Variants in CDH13 observed in about 807,000 individuals in gnomAD.
The protein encoded by CDH13 is cadherin-13.
Under a neutral mutation model 63.8 loss-of-function variants are expected in CDH13, and 24 were observed. The observed-to-expected ratio is 0.38, with a 90% confidence interval of 0.27 to 0.53. The LOEUF is 0.53. Among genes scored for constraint, CDH13 ranks in the 20% least tolerant of loss-of-function variants. CDH13 has a pLI of 0.85. For synonymous variants in CDH13, 503 were observed against 355.3 expected (o/e 1.42, Z -4.67); for missense variants, 1,049 against 903.1 (o/e 1.16, Z -2.07).
At chr16:83,447,766 TATTG>T (rs1567679130) in intron 6 of CDH13, among the ~76,000 whole-genome samples, 2 of 149,156 alleles carry the variant, frequency 1.3e-5, no homozygotes, top group South Asian at 2.1e-4. Flanking sequence ...ATATATTAAA[TATTG>T]ATTTATTTTT....
At chr16:83,005,679 A>G (rs1159992530) in intron 2 of CDH13, among the ~76,000 whole-genome samples, 1 of 152,226 alleles carries the variant, frequency 6.6e-6, no homozygotes, top group Non-Finnish European at 1.5e-5. Context: ...CAGCTCATGC[A>G]TGCCTTCTCA....
chr16:82,627,164 C>G, intron 1 of CDH13, 27 bp downstream of exon 1: 2 of 1,580,634 alleles, frequency 1.3e-6, no homozygotes, highest in African/African-American at 2.7e-5. Context: ...GCCGGGCGCG[C>G]TCTGCGCCCC....
intron 8 of CDH13, among the ~76,000 whole-genome samples, chr16:83,606,095 T>C (rs1908304627): frequency 6.6e-6 from 1 of 152,160 alleles, no homozygotes; most frequent in South Asian, 2.1e-4. Flanking sequence ...GGGCTTATGA[T>C]CTTGAAGTTG....
rs1426492280 is a variant in CDH13 at position 83,241,662 on chromosome 16, C to T, written c.636+24165C>T. On this transcript the variant is annotated intron_variant, in intron 5 of 13. Transcript: ENST00000567109. ...GAATTATCTATTCAGGCCCCTTGCC[C>T]ATTTTTTAATCAGTTTATTTGGATT... Among the ~76,000 whole-genome samples the T allele has an allele frequency of 3.9e-5, 6 of 152,274 alleles. No homozygotes were observed. The East Asian group carries it at 1.2e-3, about 29-fold the overall frequency.
intron 1 of CDH13, among the ~76,000 whole-genome samples, chr16:82,707,429 A>G (rs970176023): frequency 6.6e-6 from 1 of 152,256 alleles, no homozygotes; most frequent in East Asian, 1.9e-4. Context: ...CAGCACATAC[A>G]GAAGGAGTAA....
intron 1 of CDH13, among the ~76,000 whole-genome samples, chr16:82,698,543 C>T (rs996259703): frequency 1.5e-4 from 23 of 152,170 alleles, no homozygotes; most frequent in Admixed American, 1.3e-3. Flanking sequence ...GGCTTTGCTC[C>T]GTGACTTTCC....
At chr16:83,158,386 T>G (rs2037306015) in intron 4 of CDH13, among the ~76,000 whole-genome samples, 1 of 152,184 alleles carries the variant, frequency 6.6e-6, no homozygotes, top group Non-Finnish European at 1.5e-5. Flanking sequence ...TTTTCACACT[T>G]GACCACGTCT....
At chr16:83,685,673 A>G (rs1904301227) in intron 10 of CDH13, among the ~76,000 whole-genome samples, 1 of 152,238 alleles carries the variant, frequency 6.6e-6, no homozygotes, top group African/African-American at 2.4e-5. Context: ...GAAGGGAAGA[A>G]GGAATGAAAT....
chr16:83,028,519 C>G (rs1916023580), intron 2 of CDH13, among the ~76,000 whole-genome samples: 1 of 152,186 alleles, frequency 6.6e-6, no homozygotes, highest in Non-Finnish European at 1.5e-5. Flanking sequence ...TCACAGCTCT[C>G]TACAGTAGTC....
At chr16:83,491,204 G>C (rs1192319507) in intron 7 of CDH13, among the ~76,000 whole-genome samples, 1 of 152,188 alleles carries the variant, frequency 6.6e-6, no homozygotes, top group Non-Finnish European at 1.5e-5. Context: ...AAGAAATAGT[G>C]TCTTGGTCCA....
At chr16:83,170,942 C>T (rs1420316604) in intron 4 of CDH13, among the ~76,000 whole-genome samples, 1 of 152,108 alleles carries the variant, frequency 6.6e-6, no homozygotes, top group East Asian at 1.9e-4. Flanking sequence ...TCCATCGTCG[C>T]TATCCTCTTC....
intron 1 of CDH13, among the ~76,000 whole-genome samples, chr16:82,776,270 GGGAAGAAAAAGAA>G (rs2035492459): frequency 6.6e-6 from 1 of 150,868 alleles, no homozygotes; most frequent in African/African-American, 2.4e-5. Context: ...AGGGAGGAGA[GGGAAGAAAAAGAA>G]GGAAGGAAGG....
rs74029072 is a variant in CDH13 at position 82,830,979 on chromosome 16, C to T, written c.46-27383C>T. 2.2e-3 allele frequency among the ~76,000 whole-genome samples: 340 copies of T among 152,280 alleles called. 1 individual carries two copies. Among genetic ancestry groups the T allele is most frequent in the African/African-American group, 7.9e-3 (330 of 41,570 alleles). ...ATACAGAGGGTGCTTAGCAAATCTT[C>T]CGCAGAGCTGAAACTGAGCTGAAGC... On this transcript the variant is annotated intron_variant, in intron 1 of 13. Transcript: ENST00000567109.
intron 9 of CDH13, among the ~76,000 whole-genome samples, chr16:83,677,743 A>G (rs966937683): frequency 2.0e-5 from 3 of 152,102 alleles, no homozygotes; most frequent in African/African-American, 7.2e-5. Flanking sequence ...AAAGCTACTG[A>G]GGATTGGGCG....
chr16:83,287,116 G>C (rs1035614779), intron 5 of CDH13, among the ~76,000 whole-genome samples: 11 of 152,142 alleles, frequency 7.2e-5, no homozygotes, highest in Non-Finnish European at 1.5e-5. Context: ...TACTTTATAG[G>C]CCATGTTCAT....
chr16:83,215,409 T>C (rs1386991648), intron 4 of CDH13, among the ~76,000 whole-genome samples: 3 of 152,070 alleles, frequency 2.0e-5, no homozygotes, highest in Admixed American at 1.3e-4. Context: ...TTCTTTTGTA[T>C]CCAATTTTCA....
rs568718235 is a variant in CDH13 at position 82,636,954 on chromosome 16, C to G, written c.45+9817C>G. Among the ~76,000 whole-genome samples the G allele has an allele frequency of 2.0e-5, 3 of 152,338 alleles. No homozygotes were observed. The South Asian group carries it at 6.2e-4, about 32-fold the overall frequency. ...ATCCTGTTTCTAGCTCACCCCCTCA[C>G]TCGTGGTATGACCTTCAGCAAGCAG... is the stretch of plus-strand genomic sequence containing the variant. On this transcript the variant is annotated intron_variant, in intron 1 of 13. Transcript: ENST00000567109.
At chr16:82,695,851 C>T (rs780842756) in intron 1 of CDH13, among the ~76,000 whole-genome samples, 1 of 152,164 alleles carries the variant, frequency 6.6e-6, no homozygotes, top group African/African-American at 2.4e-5. Flanking sequence ...AGATTATGTA[C>T]AAGATATTGA....
chr16:83,231,007 C>A (rs1187757304), intron 5 of CDH13, among the ~76,000 whole-genome samples: 1 of 152,220 alleles, frequency 6.6e-6, no homozygotes, highest in Non-Finnish European at 1.5e-5. Context: ...GTCCACATGC[C>A]TTCATCTTCC....
Sources: allele counts gnomAD v4.1 joint callset (sites outside exome capture counted in the v4.1 genomes callset), GRCh38; gene constraint gnomAD v4.1.1; transcripts MANE v1.5; gene names NCBI Gene and HGNC (gene_info 2026-07-23, HGNC 2026-07-21).